The following NDUFAF6 variants were observed in gnomAD, a reference collection of about 807,000 sequenced individuals.
NDUFAF6 encodes the protein NADH dehydrogenase (ubiquinone) complex I, assembly factor 6.
In NDUFAF6, 45 loss-of-function variants were observed where a neutral mutation model predicts 40.8. The observed-to-expected ratio is 1.10, with a 90% confidence interval of 0.87 to 1.42. NDUFAF6 has a LOEUF of 1.42. Ranked by LOEUF, NDUFAF6 falls within the 40% of genes most tolerant of loss-of-function variation. The probability of loss-of-function intolerance (pLI) is 0.00; values close to 1 mark genes in which losing one functional copy is unlikely to be tolerated. For synonymous variants in NDUFAF6, 185 were observed against 155.9 expected (o/e 1.19, Z -1.39); for missense variants, 435 against 418.5 (o/e 1.04, Z -0.34).
intron 1 of NDUFAF6, among the ~76,000 whole-genome samples, chr8:94,969,004 C>G (rs776108863): frequency 6.6e-6 from 1 of 152,090 alleles, no homozygotes; most frequent in Non-Finnish European, 1.5e-5. Context: ...GAGAGCAAAT[C>G]AAGATTTTGA....
chr8:95,019,077 C>G (rs1827585692), intron 2 of NDUFAF6, among the ~76,000 whole-genome samples: 1 of 152,214 alleles, frequency 6.6e-6, no homozygotes, highest in African/African-American at 2.4e-5. Context: ...ATGGCATGAT[C>G]TTGGCTCACT....
intron 9 of NDUFAF6, chr8:95,071,835 C>T (rs1832874556): frequency 6.6e-6 from 1 of 152,554 alleles, no homozygotes; most frequent in African/African-American, 2.4e-5. Flanking sequence ...CAGCAGCGCC[C>T]AGGGGCATCT....
At chr8:95,024,847 C>T, upstream of NDUFAF6, 1 of 593,056 alleles carries the variant, frequency 1.7e-6, no homozygotes, top group Non-Finnish European at 2.5e-6. Flanking sequence ...GCGGCGGCGG[C>T]CCAGATGCAG....
At chr8:94,921,409 CTGAT>C (rs1160883864) in intron 1 of NDUFAF6, among the ~76,000 whole-genome samples, 1 of 152,148 alleles carries the variant, frequency 6.6e-6, no homozygotes, top group Non-Finnish European at 1.5e-5. Context: ...GAATGCATAT[CTGAT>C]TGGCCAGGCC....
chr8:94,946,716 A>AAAAAAAAAAAAAAAAAAAAAAAAAC (rs1822047139), intron 2 of NDUFAF6, among the ~76,000 whole-genome samples: 1 of 149,264 alleles, frequency 6.7e-6, no homozygotes, highest in African/African-American at 2.5e-5. Flanking sequence ...AAAAAAAAAA[A>AAAAAAAAAAAAAAAAAAAAAAAAAC]AAAAGACAGG....
downstream of NDUFAF6, among the ~76,000 whole-genome samples, chr8:95,062,317 G>A (rs1832592152): frequency 6.6e-6 from 1 of 152,188 alleles, no homozygotes; most frequent in African/African-American, 2.4e-5. Context: ...AGTGGTGGTT[G>A]TGAGGAATAA....
At chr8:95,041,849 A>C (rs916806969) in intron 4 of NDUFAF6, among the ~76,000 whole-genome samples, 1 of 152,016 alleles carries the variant, frequency 6.6e-6, no homozygotes, top group Non-Finnish European at 1.5e-5. Context: ...GCACAACCAC[A>C]CTCCACTATT....
At chr8:95,048,968 T>C (rs1345932489) in intron 7 of NDUFAF6, among the ~76,000 whole-genome samples, 1 of 152,198 alleles carries the variant, frequency 6.6e-6, no homozygotes, top group Non-Finnish European at 1.5e-5. Context: ...TCTGGTTTGT[T>C]GCTGCTGCCT....
At chr8:95,019,183 G>T (rs1262596247) in intron 2 of NDUFAF6, among the ~76,000 whole-genome samples, 2 of 152,138 alleles carry the variant, frequency 1.3e-5, no homozygotes, top group African/African-American at 4.8e-5. Context: ...GTTAATTTTT[G>T]TATTTTTAGT....
intron 2 of NDUFAF6, among the ~76,000 whole-genome samples, chr8:95,011,634 T>TA (rs900975868): frequency 1.1e-4 from 17 of 152,320 alleles, no homozygotes; most frequent in Non-Finnish European, 2.1e-4. Context: ...TTTTGGGGCT[T>TA]AAAGTTTTAC....
At chr8:94,941,316 GAA>G (rs1000232876) in intron 1 of NDUFAF6, among the ~76,000 whole-genome samples, 1 of 152,090 alleles carries the variant, frequency 6.6e-6, no homozygotes, top group Non-Finnish European at 1.5e-5. Context: ...AAATAAAAGG[GAA>G]AGAGTTGGTT....
chr8:95,086,763 G>C (rs1272443676), intron 2 of NDUFAF6, among the ~76,000 whole-genome samples: 1 of 151,900 alleles, frequency 6.6e-6, no homozygotes, highest in South Asian at 2.1e-4. Flanking sequence ...CACCACGCCC[G>C]GCTAATTTTT....
At chr8:94,947,507 G>A (rs1348544152) in intron 2 of NDUFAF6, among the ~76,000 whole-genome samples, 1 of 152,142 alleles carries the variant, frequency 6.6e-6, no homozygotes, top group South Asian at 2.1e-4. Context: ...ACCAAGCCAA[G>A]AAAGTTATCT....
chr8:94,929,737 C>G (rs1410355442), intron 1 of NDUFAF6: 1 of 152,118 alleles, frequency 6.6e-6, no homozygotes, highest in Non-Finnish European at 1.5e-5. Flanking sequence ...TGAATTTTTC[C>G]AAATATAATC....
intron 1 of NDUFAF6, among the ~76,000 whole-genome samples, chr8:94,922,662 A>G (rs1447675194): frequency 6.6e-6 from 1 of 151,918 alleles, no homozygotes; most frequent in Non-Finnish European, 1.5e-5. Context: ...TGTTTTTAAT[A>G]GAGATGAGCT....
downstream of NDUFAF6, among the ~76,000 whole-genome samples, chr8:95,117,851 G>A (rs758268314): frequency 9.2e-5 from 14 of 152,306 alleles, no homozygotes; most frequent in South Asian, 2.1e-4. Flanking sequence ...CTGAGTCACT[G>A]CATGGATATC....
At chr8:95,065,336 G>A (rs1291630097) in intron 9 of NDUFAF6, among the ~76,000 whole-genome samples, 2 of 152,194 alleles carry the variant, frequency 1.3e-5, no homozygotes, top group Admixed American at 1.3e-4. Context: ...TAAATGGGAA[G>A]TCCCCTGGCT....
Position 95,032,003 on chromosome 8 carries a change from A to T in NDUFAF6, c.206A>T (p.Asp69Val), listed in dbSNP as rs1057519085. The change falls in exon 2 of 9, where the codon GAT becomes GTT. Residue 69 changes from aspartate to valine, a missense_variant. Asp to Val is a radical substitution (Grantham distance 152). Transcript: ENST00000396124. ...TTTTCTGTCTGTTACAGGAAACGGG[A>T]TTATGAAGGTTATTTATGCTCCCTG... The part of the protein sequence containing the change: ...HYCLELLRKR[D>V]YEGYLCSLLL... 1.9e-6 allele frequency: 3 copies of T among 1,613,812 alleles called. No individual in the cohort carries two copies. Among genetic ancestry groups the T allele is most frequent in the Middle Eastern group, 1.7e-4 (1 of 6,060 alleles).
chr8:94,926,015 A>G (rs1229761395), intron 1 of NDUFAF6: 1 of 152,666 alleles, frequency 6.6e-6, no homozygotes. Context: ...TGAAAACTGT[A>G]ACTCCAGGTA....
Sources: allele counts gnomAD v4.1 joint callset (sites outside exome capture counted in the v4.1 genomes callset), GRCh38; gene constraint gnomAD v4.1.1; transcripts MANE v1.5; gene names NCBI Gene and HGNC (gene_info 2026-07-23, HGNC 2026-07-21).